Variants in LIMCH1 observed in about 807,000 individuals in gnomAD.
LIMCH1 encodes LIM and calponin homology domains-containing protein 1.
Under a neutral mutation model 176.5 loss-of-function variants are expected in LIMCH1, and 113 were observed. That is an observed-to-expected ratio of 0.64 (90% CI 0.55 to 0.75). The LOEUF (loss-of-function observed/expected upper bound fraction) is 0.75. LIMCH1 is among the 30% of genes least tolerant of loss of function. The probability of loss-of-function intolerance (pLI) is 0.00; values close to 1 mark genes in which losing one functional copy is unlikely to be tolerated. For synonymous variants in LIMCH1, 619 were observed against 645.9 expected (o/e 0.96, Z 0.63); for missense variants, 1,674 against 1,814.9 (o/e 0.92, Z 1.41).
chr4:41,459,896 G>A (rs943922089), intron 1 of LIMCH1, among the ~76,000 whole-genome samples: 1 of 152,094 alleles, frequency 6.6e-6, no homozygotes, highest in African/African-American at 2.4e-5. Flanking sequence ...AATGACCATT[G>A]CTAGAGATGC....
At chr4:41,553,702 C>A (rs1461841036) in intron 1 of LIMCH1, among the ~76,000 whole-genome samples, 1 of 152,084 alleles carries the variant, frequency 6.6e-6, no homozygotes, top group Non-Finnish European at 1.5e-5. Flanking sequence ...ATGTTGGTGT[C>A]AGTGGATCAG....
intron 8 of LIMCH1, 56 bp downstream of exon 8, chr4:41,627,066 C>T: frequency 2.8e-6 from 4 of 1,449,770 alleles, no homozygotes; most frequent in Non-Finnish European, 3.7e-6. Flanking sequence ...ATGAAAGAGA[C>T]ACAGGGAGAG....
intron 1 of LIMCH1, among the ~76,000 whole-genome samples, chr4:41,550,259 T>G (rs2080204811): frequency 2.6e-5 from 4 of 151,566 alleles, no homozygotes; most frequent in Admixed American, 2.6e-4. Flanking sequence ...GTATTTTTCC[T>G]ATTGATTCAG....
chr4:41,471,859 C>T (rs918708799), intron 1 of LIMCH1, among the ~76,000 whole-genome samples: 1 of 152,180 alleles, frequency 6.6e-6, no homozygotes, highest in East Asian at 1.9e-4. Flanking sequence ...TCTTTTCTTC[C>T]TGCCCATCTG....
chr4:41,564,210 G>A (rs2082417427), intron 1 of LIMCH1, among the ~76,000 whole-genome samples: 1 of 152,148 alleles, frequency 6.6e-6, no homozygotes, highest in Non-Finnish European at 1.5e-5. Context: ...GAGGAAAGGA[G>A]CATGGGAGGT....
rs756118943 is a variant in LIMCH1, at chr4:41,613,518, T to C, written c.62T>C (p.Ile21Thr). 4 of 1,613,880 alleles carry C rather than the reference T, an allele frequency of 2.5e-6. No individual in the cohort carries two copies. In the African/African-American group the frequency reaches 4.0e-5, roughly 16 times the overall value. Residue 21 changes from isoleucine to threonine, a missense_variant, in exon 5 of 32, where the codon ATC becomes ACC. By Grantham distance (89) the Ile-to-Thr change is moderately conservative (BLOSUM62 -1). This residue lies in a region of LIMCH1 where 655 missense variants were observed against 692.2 expected (regional missense o/e 0.95). Transcript: ENST00000503057. ...CGCAGTATCCGAGACAGTGGCTACA[T>C]CGACTGCTGGGATTCCGAGCGCAGC... is the stretch of plus-strand genomic sequence containing the variant. ...PKRSIRDSGYIDCWDSERSDS... is the reference protein window; with the variant it reads ...PKRSIRDSGYTDCWDSERSDS...
At chr4:41,583,989 G>A (rs1015096785) in intron 1 of LIMCH1, among the ~76,000 whole-genome samples, 1 of 152,098 alleles carries the variant, frequency 6.6e-6, no homozygotes, top group African/African-American at 2.4e-5. Flanking sequence ...TAGAGAGGTT[G>A]TGATCTGTAA....
rs535230250 is a variant in LIMCH1 at position 41,699,888 on chromosome 4, G to T, written c.*2703G>T. ...CCGTCCAAAAGATGTTACTGCTCTG[G>T]GTGGGCCAGTGTTCTATATCGGTTA... is the stretch of plus-strand genomic sequence containing the variant. On this transcript the variant is annotated 3_prime_UTR_variant, in exon 32 of 32. Coordinates refer to ENST00000503057, the MANE Select transcript of LIMCH1 (RefSeq NM_001330672.2). 2.0e-5 allele frequency: 3 copies of T among 151,966 alleles called. 1 individual carries two copies. In the South Asian group the frequency reaches 6.3e-4, roughly 32 times the overall value. 9.4% of individuals were successfully genotyped at this position (151,966 alleles called of 1,614,324 possible).
chr4:41,501,100 T>C (rs547934952), intron 2 of LIMCH1, among the ~76,000 whole-genome samples: 1 of 152,198 alleles, frequency 6.6e-6, no homozygotes, highest in Non-Finnish European at 1.5e-5. Flanking sequence ...AGGTAAGAAC[T>C]CTGCACAAGA....
intron 3 of LIMCH1, among the ~76,000 whole-genome samples, chr4:41,526,549 C>T (rs1327676664): frequency 6.6e-6 from 1 of 152,104 alleles, no homozygotes; most frequent in Non-Finnish European, 1.5e-5. Context: ...TGTTCATGTA[C>T]TTCCACGGTT....
intron 2 of LIMCH1, among the ~76,000 whole-genome samples, chr4:41,524,209 T>TC (rs1426275475): frequency 7.2e-5 from 11 of 152,364 alleles, no homozygotes; most frequent in Admixed American, 2.0e-4. Flanking sequence ...TTCTAAAACT[T>TC]CACCTGCCGT....
intron 28 of LIMCH1, 106 bp downstream of exon 28, chr4:41,685,936 T>G: frequency 4.9e-6 from 6 of 1,236,678 alleles, no homozygotes; most frequent in Non-Finnish European, 6.7e-6. Context: ...CAGCAGCATT[T>G]TTGTGCTTTC....
intron 2 of LIMCH1, among the ~76,000 whole-genome samples, chr4:41,502,677 A>G (rs2154179894): frequency 6.6e-6 from 1 of 152,084 alleles, no homozygotes; most frequent in East Asian, 1.9e-4. Flanking sequence ...GCTTTTTTTC[A>G]TACTGGTATA....
At chr4:41,485,780 A>G (rs376224777) in intron 1 of LIMCH1, among the ~76,000 whole-genome samples, 2 of 152,026 alleles carry the variant, frequency 1.3e-5, no homozygotes, top group South Asian at 2.1e-4. Context: ...GCATGATTTA[A>G]TTTTACAGGA....
intron 1 of LIMCH1, among the ~76,000 whole-genome samples, chr4:41,428,830 G>A (rs2061346201): frequency 6.6e-6 from 1 of 152,218 alleles, no homozygotes. Context: ...ATCGCTAATG[G>A]CAAAGCCAGG....
chr4:41,524,960 T>G (rs1326303167), intron 3 of LIMCH1, among the ~76,000 whole-genome samples: 2 of 152,226 alleles, frequency 1.3e-5, no homozygotes, highest in East Asian at 1.9e-4. Flanking sequence ...GAAGACATAC[T>G]GGGGCACTAA....
At chr4:41,597,206 T>TATAA (rs1315805868) in intron 1 of LIMCH1, among the ~76,000 whole-genome samples, 5 of 152,184 alleles carry the variant, frequency 3.3e-5, no homozygotes, top group Non-Finnish European at 7.3e-5. Flanking sequence ...CAGTTCCTCA[T>TATAA]ATAAGACATG....
rs2060015662 is a variant in LIMCH1, at chr4:41,417,138, AGGGGTTAT to A, written c.96+56203_96+56210del. On this transcript the variant is annotated intron_variant, in intron 1 of 26. Transcript: ENST00000313860. Reference sequence around the variant, plus strand: ...ATGCTATAGGCATTGTTTCTTTGTGAGGGGTTATCTATGCTATAGGCATTGTTTCTTTG... The same window carrying A: ...ATGCTATAGGCATTGTTTCTTTGTGACTATGCTATAGGCATTGTTTCTTTG... Among the ~76,000 whole-genome samples, 3 of 150,710 alleles carry A rather than the reference AGGGGTTAT, an allele frequency of 2.0e-5. No individual in the cohort carries two copies. In the South Asian group the frequency reaches 6.4e-4, roughly 32 times the overall value.
At chr4:41,408,408 A>G (rs990383333) in intron 1 of LIMCH1, among the ~76,000 whole-genome samples, 1 of 152,168 alleles carries the variant, frequency 6.6e-6, no homozygotes, top group African/African-American at 2.4e-5. Flanking sequence ...TCCACTGTGA[A>G]TGTGTTGGTG....
Sources: allele counts gnomAD v4.1 joint callset (sites outside exome capture counted in the v4.1 genomes callset), GRCh38; gene constraint gnomAD v4.1.1; regional missense constraint gnomAD v4.1.1; transcripts MANE v1.5; gene names NCBI Gene and HGNC (gene_info 2026-07-23, HGNC 2026-07-21).